ARHGAP15: variants seen among roughly 807,000 people sequenced by gnomAD.
The protein encoded by ARHGAP15 is Rho GTPase activating protein 15, also known as rho GTPase-activating protein 15.
In ARHGAP15, 51 loss-of-function variants were observed where a neutral mutation model predicts 63.7. That is an observed-to-expected ratio of 0.80 (90% CI 0.64 to 1.01). ARHGAP15 has a LOEUF of 1.01. ARHGAP15 is among the 50% of genes least tolerant of loss of function. The probability of loss-of-function intolerance (pLI) is 0.00; values close to 1 mark genes in which losing one functional copy is unlikely to be tolerated. For synonymous variants in ARHGAP15, 191 were observed against 193.8 expected (o/e 0.99, Z 0.12); for missense variants, 560 against 564.6 (o/e 0.99, Z 0.08).
chr2:143,185,616 C>T (rs992423650), intron 2 of ARHGAP15, among the ~76,000 whole-genome samples: 2 of 152,080 alleles, frequency 1.3e-5, no homozygotes, highest in African/African-American at 4.8e-5. Context: ...ATCCTCATTC[C>T]CGATAGATCC....
At chr2:143,480,512 G>A (rs1362527566) in intron 8 of ARHGAP15, among the ~76,000 whole-genome samples, 2 of 152,102 alleles carry the variant, frequency 1.3e-5, no homozygotes, top group Non-Finnish European at 2.9e-5. Flanking sequence ...GGAATTAAGT[G>A]GTTAAAACTG....
chr2:143,428,391 A>G (rs930952203), intron 6 of ARHGAP15, among the ~76,000 whole-genome samples: 1 of 151,800 alleles, frequency 6.6e-6, no homozygotes, highest in African/African-American at 2.4e-5. Context: ...TTTGCACTGC[A>G]CTGCAACAGC....
chr2:143,613,149 G>T (rs573744852), intron 11 of ARHGAP15, among the ~76,000 whole-genome samples: 2 of 141,544 alleles, frequency 1.4e-5, no homozygotes, highest in African/African-American at 5.0e-5. Context: ...GATTGCAAAA[G>T]GATCTTAAGT....
At chr2:143,205,440 G>A (rs1010452382) in intron 3 of ARHGAP15, among the ~76,000 whole-genome samples, 9 of 152,098 alleles carry the variant, frequency 5.9e-5, no homozygotes, top group African/African-American at 1.9e-4. Flanking sequence ...TGAGGGCAAG[G>A]ACACTGTCTC....
In ARHGAP15 at chr2:143,749,617, TAC is replaced by T. The variant is rs1327466499; in HGVS notation, c.1245-18370_1245-18369del. 2.0e-5 allele frequency among the ~76,000 whole-genome samples: 3 copies of T among 152,246 alleles called. 1 individual carries two copies. On this transcript the variant is annotated intron_variant, in intron 13 of 13. Coordinates refer to ENST00000295095, the MANE Select transcript of ARHGAP15 (RefSeq NM_018460.4). ...AATCTTAAAAATAGCTTGTGTTACC[TAC>T]AGAGTTTCACCCCTTACTAAAAGCA...
intron 1 of ARHGAP15, among the ~76,000 whole-genome samples, chr2:143,139,678 A>G (rs181074603): frequency 6.6e-6 from 1 of 152,272 alleles, no homozygotes. Context: ...GCAGTGAAGC[A>G]TGGAGAAATT....
intron 8 of ARHGAP15, among the ~76,000 whole-genome samples, chr2:143,473,784 A>G (rs1352812592): frequency 6.6e-6 from 1 of 152,142 alleles, no homozygotes; most frequent in African/African-American, 2.4e-5. Context: ...GTGTATTTTA[A>G]AGGTCATTTA....
chr2:143,197,386 C>T (rs996973182), intron 2 of ARHGAP15, among the ~76,000 whole-genome samples: 1 of 151,828 alleles, frequency 6.6e-6, no homozygotes, highest in South Asian at 2.1e-4. Flanking sequence ...AGCTATTAAT[C>T]GATATCTATA....
intron 11 of ARHGAP15, chr2:143,563,817 G>A (rs960259641): frequency 1.3e-5 from 2 of 152,212 alleles, no homozygotes; most frequent in Non-Finnish European, 2.9e-5. Context: ...TAACAACACT[G>A]TAGCACTGGT....
chr2:143,464,302 T>A (rs1691099978), intron 8 of ARHGAP15, among the ~76,000 whole-genome samples: 1 of 152,180 alleles, frequency 6.6e-6, no homozygotes, highest in African/African-American at 2.4e-5. Flanking sequence ...CCATTTTATT[T>A]ATTTTAATAG....
chr2:143,745,569 A>G (rs1475592391), intron 13 of ARHGAP15, among the ~76,000 whole-genome samples: 1 of 152,232 alleles, frequency 6.6e-6, no homozygotes, highest in Non-Finnish European at 1.5e-5. Context: ...TGATAAATAA[A>G]TGTAAAGGTA....
At chr2:143,715,818 T>C (rs1284240267) in intron 13 of ARHGAP15, among the ~76,000 whole-genome samples, 4 of 152,224 alleles carry the variant, frequency 2.6e-5, no homozygotes, top group African/African-American at 9.6e-5. Context: ...CTGAATGGTA[T>C]TGCCTAAATT....
intron 6 of ARHGAP15, among the ~76,000 whole-genome samples, chr2:143,305,178 G>T (rs1683110733): frequency 6.6e-6 from 1 of 151,894 alleles, no homozygotes; most frequent in Admixed American, 6.6e-5. Flanking sequence ...TCCTTTTCAG[G>T]GACATGGATG....
At chr2:143,459,435 T>C (rs938502791) in intron 8 of ARHGAP15, among the ~76,000 whole-genome samples, 2 of 152,062 alleles carry the variant, frequency 1.3e-5, no homozygotes, top group Admixed American at 6.6e-5. Context: ...AAAATAAAAC[T>C]AAAGTAAGAA....
At chr2:143,680,555 T>C (rs1259200983) in intron 12 of ARHGAP15, among the ~76,000 whole-genome samples, 1 of 152,170 alleles carries the variant, frequency 6.6e-6, no homozygotes, top group Non-Finnish European at 1.5e-5. Context: ...GAAATAAAAA[T>C]TTTCTTTGGT....
At chr2:143,194,918 T>C (rs563932256) in intron 2 of ARHGAP15, among the ~76,000 whole-genome samples, 90 of 152,280 alleles carry the variant, frequency 5.9e-4, no homozygotes, top group African/African-American at 2.2e-3. Context: ...GTTAGAATCA[T>C]TTTAGCAAAC....
intron 6 of ARHGAP15, among the ~76,000 whole-genome samples, chr2:143,418,338 C>T (rs1160085656): frequency 1.3e-5 from 2 of 152,140 alleles, no homozygotes; most frequent in African/African-American, 4.8e-5. Context: ...AAGTTCTTCT[C>T]CAGGCCTCTC....
chr2:143,304,324 A>C (rs1002100099), intron 6 of ARHGAP15, among the ~76,000 whole-genome samples: 1 of 152,150 alleles, frequency 6.6e-6, no homozygotes, highest in Non-Finnish European at 1.5e-5. Context: ...TGAAGCTGGA[A>C]ACCATCATTC....
chr2:143,438,146 CCTG>C (rs1689696704), intron 8 of ARHGAP15, among the ~76,000 whole-genome samples: 1 of 152,028 alleles, frequency 6.6e-6, no homozygotes. Flanking sequence ...TCATTTTTTT[CCTG>C]CTATTTCCCT....
Sources: gnomAD v4.1 joint callset for allele counts (sites outside exome capture counted in the v4.1 genomes callset) on GRCh38, gnomAD v4.1.1 for gene constraint, MANE v1.5 for transcripts, NCBI Gene and HGNC (gene_info 2026-07-23, HGNC 2026-07-21) for gene names.